AGBL4: variants seen among roughly 807,000 people sequenced by gnomAD.
AGBL4 encodes AGBL carboxypeptidase 4, also known as cytosolic carboxypeptidase 6.
AGBL4 carries 58 observed loss-of-function variants against 66.4 expected under a neutral mutation model. That is an observed-to-expected ratio of 0.87 (90% CI 0.71 to 1.09). The LOEUF is 1.09. Among genes scored for constraint, AGBL4 ranks in the 50% least tolerant of loss-of-function variants. The probability of loss-of-function intolerance (pLI) is 0.00; values close to 1 mark genes in which losing one functional copy is unlikely to be tolerated. For missense variants in AGBL4, 579 were observed against 631.0 expected, an observed-to-expected ratio of 0.92 and a Z score of 0.88; for synonymous variants, 234 against 222.9, an observed-to-expected ratio of 1.05 and a Z score of -0.44.
intron 1 of AGBL4, among the ~76,000 whole-genome samples, chr1:49,924,599 A>G (rs973225666): frequency 6.6e-6 from 1 of 152,146 alleles, no homozygotes; most frequent in Non-Finnish European, 1.5e-5. Context: ...GCATAGGTGT[A>G]TGAATAATAT....
At chr1:49,053,230 G>A (rs1644251726) in intron 4 of AGBL4, among the ~76,000 whole-genome samples, 1 of 152,134 alleles carries the variant, frequency 6.6e-6, no homozygotes, top group Non-Finnish European at 1.5e-5. Context: ...AAGTGAAAAT[G>A]GATGGGGTCT....
At position 49,357,458 on chromosome 1, in the gene AGBL4, G is replaced by T. The variant is rs185057132; in HGVS notation, c.283-111594C>A. Among the ~76,000 whole-genome samples, 263 of 152,282 alleles carry T rather than the reference G, an allele frequency of 1.7e-3. 1 individual carries two copies. The highest frequency in any genetic ancestry group is 3.4e-3 in the Middle Eastern group (1 of 294). The stretch of plus-strand genomic sequence containing the variant: ...ACTGTAAGGATGGAAGTAGAGAGGG[G>T]CCTGCAATGGGCTCTGCTGTCCTAA... On this transcript the variant is annotated intron_variant, in intron 3 of 13. Coordinates refer to ENST00000371839, the MANE Select transcript of AGBL4 (RefSeq NM_032785.4).
intron 2 of AGBL4, among the ~76,000 whole-genome samples, chr1:49,742,867 G>A (rs539308642): frequency 1.5e-4 from 23 of 152,212 alleles, no homozygotes; most frequent in South Asian, 6.2e-4. Flanking sequence ...AGCTGAAACC[G>A]GATCCCTCTC....
At position 49,383,986 on chromosome 1, in the gene AGBL4, G is replaced by A. The variant is rs143911527; in HGVS notation, c.283-138122C>T. Reference sequence around the variant, plus strand: ...TAATTTTTTGTATTTTAGTAGAGACGGGGTTTCACTGCGTTGGCCAGGATG... The same window carrying A: ...TAATTTTTTGTATTTTAGTAGAGACAGGGTTTCACTGCGTTGGCCAGGATG... On this transcript the variant is annotated intron_variant, in intron 3 of 13. Transcript: ENST00000371839. Among the ~76,000 whole-genome samples, 7 of 151,872 alleles carry A rather than the reference G, an allele frequency of 4.6e-5. No homozygotes were observed. In the East Asian group the frequency reaches 7.9e-4, roughly 17 times the overall value.
chr1:49,766,367 T>C (rs987760943), intron 2 of AGBL4, among the ~76,000 whole-genome samples: 4 of 152,062 alleles, frequency 2.6e-5, no homozygotes, highest in African/African-American at 9.7e-5. Flanking sequence ...GAAATAAAAA[T>C]TTTTATAGAT....
chr1:48,661,106 G>A (rs320003), intron 7 of AGBL4, among the ~76,000 whole-genome samples: 75,200 of 151,602 alleles, frequency 0.5, 19,800 homozygotes, highest in Middle Eastern at 0.64. Flanking sequence ...TACACAGCTC[G>A]TGGTATAAAG....
intron 5 of AGBL4, among the ~76,000 whole-genome samples, chr1:48,884,494 G>A (rs1477599768): frequency 6.6e-6 from 1 of 151,874 alleles, no homozygotes; most frequent in Non-Finnish European, 1.5e-5. Flanking sequence ...TTCTTATGAA[G>A]AATTACAGTT....
At position 48,794,963 on chromosome 1, in the gene AGBL4, TAA is replaced by T. The variant is rs777952987; in HGVS notation, c.634+72226_634+72227del. ...TCTCCTGAACTGTTTCCTATTTTAG[TAA>T]AGAGTACTATCATCCACCCAAAGAT... On this transcript the variant is annotated intron_variant, in intron 6 of 13. Transcript: ENST00000371839. 3.3e-5 allele frequency among the ~76,000 whole-genome samples: 5 copies of T among 152,310 alleles called. No individual in the cohort carries two copies. In the South Asian group the frequency reaches 1.0e-3, roughly 32 times the overall value.
chr1:49,218,359 T>C (rs1649238420), intron 4 of AGBL4, among the ~76,000 whole-genome samples: 1 of 151,962 alleles, frequency 6.6e-6, no homozygotes, highest in African/African-American at 2.4e-5. Flanking sequence ...GAAGGGGAGA[T>C]AGCATAGGCA....
intron 1 of AGBL4, among the ~76,000 whole-genome samples, chr1:49,968,382 G>T (rs1370709774): frequency 6.6e-6 from 1 of 151,970 alleles, no homozygotes; most frequent in African/African-American, 2.4e-5. Flanking sequence ...AATGATTTGG[G>T]GCAGTGACAT....
chr1:48,582,081 G>T (rs984869050), intron 11 of AGBL4, among the ~76,000 whole-genome samples: 2 of 152,170 alleles, frequency 1.3e-5, no homozygotes, highest in African/African-American at 4.8e-5. Flanking sequence ...GGTTCACAGG[G>T]TTTTGTTGAA....
intron 3 of AGBL4, among the ~76,000 whole-genome samples, chr1:49,515,733 C>T (rs1207839470): frequency 4.6e-5 from 7 of 151,752 alleles, no homozygotes; most frequent in South Asian, 4.2e-4. Flanking sequence ...TTCATGTCCT[C>T]TGTAGGGACA....
At chr1:49,755,899 T>C (rs1651850496) in intron 2 of AGBL4, among the ~76,000 whole-genome samples, 1 of 152,216 alleles carries the variant, frequency 6.6e-6, no homozygotes, top group Non-Finnish European at 1.5e-5. Context: ...CAAATCCTTA[T>C]TCAATGGCTC....
At chr1:49,714,509 T>G (rs1238481437) in intron 2 of AGBL4, among the ~76,000 whole-genome samples, 1 of 151,302 alleles carries the variant, frequency 6.6e-6, no homozygotes, top group African/African-American at 2.4e-5. Context: ...GGTCTCCAGT[T>G]CCATCTATGC....
chr1:49,024,183 A>G (rs1663463268), intron 5 of AGBL4, among the ~76,000 whole-genome samples: 1 of 152,154 alleles, frequency 6.6e-6, no homozygotes, highest in Non-Finnish European at 1.5e-5. Context: ...CATTTTTCAT[A>G]TGGTTGGCTC....
intron 3 of AGBL4, among the ~76,000 whole-genome samples, chr1:49,657,387 G>A (rs566173458): frequency 1.3e-5 from 2 of 152,178 alleles, no homozygotes; most frequent in Non-Finnish European, 2.9e-5. Flanking sequence ...AACATTCCAT[G>A]CTCACGGATA....
rs573944450 is a variant in AGBL4, at chr1:49,063,850, G to T, written c.378-18050C>A. Among the ~76,000 whole-genome samples, 49 of 152,302 alleles carry T rather than the reference G, an allele frequency of 3.2e-4. 1 individual carries two copies. In the South Asian group the frequency reaches 9.5e-3, roughly 30 times the overall value. ...CAAGTGCCATTGATGTTTCCCTGTT[G>T]CTTCTGTTCCTCCAGGACAGAGCAT... is the stretch of plus-strand genomic sequence containing the variant. On this transcript the variant is annotated intron_variant, in intron 4 of 13. Coordinates refer to ENST00000371839, the MANE Select transcript of AGBL4 (RefSeq NM_032785.4).
chr1:49,812,642 A>G (rs1645126883), intron 2 of AGBL4, among the ~76,000 whole-genome samples: 1 of 152,170 alleles, frequency 6.6e-6, no homozygotes. Flanking sequence ...CATTCTAGAA[A>G]TGTAGACCAC....
intron 6 of AGBL4, among the ~76,000 whole-genome samples, chr1:48,826,940 A>G (rs1646439152): frequency 6.6e-6 from 1 of 152,072 alleles, no homozygotes. Flanking sequence ...GTCCTCAAAT[A>G]GGCTCTGCAC....
Sources: allele counts gnomAD v4.1 joint callset (sites outside exome capture counted in the v4.1 genomes callset), GRCh38; gene constraint gnomAD v4.1.1; transcripts MANE v1.5; gene names NCBI Gene and HGNC (gene_info 2026-07-23, HGNC 2026-07-21).